Variants in ZMIZ1 observed in about 807,000 individuals in gnomAD.
ZMIZ1 encodes the protein zinc finger MIZ-type containing 1.
In ZMIZ1, 17 loss-of-function variants were observed where a neutral mutation model predicts 113.9. The observed-to-expected ratio is 0.15, with a 90% CI of 0.10 to 0.22. The LOEUF (loss-of-function observed/expected upper bound fraction) is 0.22. Ranked by LOEUF, ZMIZ1 falls within the 10% of genes least tolerant of loss-of-function variation. The pLI, the probability that ZMIZ1 is intolerant of heterozygous loss-of-function variation, is 1.00. For synonymous variants in ZMIZ1, 607 were observed against 603.1 expected (o/e 1.01, Z -0.09); for missense variants, 1,059 against 1,477.8 (o/e 0.72, Z 4.65).
chr10:79,302,610 A>G lies in ZMIZ1; in HGVS notation c.2125+398A>G, dbSNP rs78470565. On this transcript the variant is annotated intron_variant, in intron 18 of 24. Transcript: ENST00000334512. ...TAAAAGATGGGAGGATTTAGAGAAG[A>G]GGGGATCTTCATCAGGCAGAAGGCA... Among the ~76,000 whole-genome samples the G allele has an allele frequency of 2.9e-3, 418 of 145,120 alleles. 15 individuals are homozygous for G. In the East Asian group the frequency reaches 0.082, roughly 29 times the overall value.
rs1420894830 is a variant in ZMIZ1 at position 79,315,880 on chromosome 10, C to T, written c.*3131C>T. The T allele has an allele frequency of 6.6e-6, 1 of 152,642 alleles. No individual in the cohort carries two copies. The highest frequency in any genetic ancestry group is 1.5e-5 in the Non-Finnish European group (1 of 68,018). The allele number at this position is 152,642 out of a possible 1,614,324, so 9.5% of individuals were successfully genotyped here. On this transcript the variant is annotated 3_prime_UTR_variant, in exon 25 of 25. Coordinates refer to ENST00000334512, the MANE Select transcript of ZMIZ1 (RefSeq NM_020338.4). ...AAAACAAAAAAAAAAGCTTGGAACTCCATCACGTGGAAAAACTAGATCCTG... is the reference window on the plus strand; with the variant it reads ...AAAACAAAAAAAAAAGCTTGGAACTTCATCACGTGGAAAAACTAGATCCTG...
At chr10:79,151,922 G>C (rs886228052) in intron 3 of ZMIZ1, among the ~76,000 whole-genome samples, 1 of 152,212 alleles carries the variant, frequency 6.6e-6, no homozygotes, top group Non-Finnish European at 1.5e-5. Flanking sequence ...GCTGCGTGCT[G>C]TGCTGGCTCC....
intron 13 of ZMIZ1, 30 bp from the exon 14 acceptor site, chr10:79,297,583 C>CA: frequency 1.3e-6 from 2 of 1,599,692 alleles, no homozygotes; most frequent in South Asian, 2.2e-5. Context: ...TTCTGCCCCC[C>CA]ACTCAGTGTT....
chr10:79,300,113 CAGG>C (rs1462142717), intron 16 of ZMIZ1, among the ~76,000 whole-genome samples: 1 of 152,228 alleles, frequency 6.6e-6, no homozygotes, highest in Admixed American at 6.5e-5. Flanking sequence ...AACGCTCAGG[CAGG>C]AGGACAGAGG....
intron 1 of ZMIZ1, among the ~76,000 whole-genome samples, chr10:79,116,733 C>CA (rs2132315959): frequency 6.6e-6 from 1 of 152,314 alleles, no homozygotes; most frequent in East Asian, 1.9e-4. Flanking sequence ...TGTAGCTTGA[C>CA]AAATTATCCT....
chr10:79,233,478 A>G (rs557054324), intron 7 of ZMIZ1, among the ~76,000 whole-genome samples: 12 of 152,320 alleles, frequency 7.9e-5, no homozygotes, highest in African/African-American at 2.6e-4. Context: ...CCTCTTTCAT[A>G]AGGCACTGGT....
intron 16 of ZMIZ1, among the ~76,000 whole-genome samples, chr10:79,299,720 G>GT (rs1291555834): frequency 1.3e-5 from 2 of 152,226 alleles, no homozygotes; most frequent in Non-Finnish European, 2.9e-5. Flanking sequence ...CACCTTCCAC[G>GT]TGTGACCCAC....
At chr10:79,107,670 G>A (rs1012752557) in intron 1 of ZMIZ1, among the ~76,000 whole-genome samples, 2 of 152,226 alleles carry the variant, frequency 1.3e-5, no homozygotes, top group Non-Finnish European at 2.9e-5. Flanking sequence ...AGGCTCCTCC[G>A]TTGATGGACG....
intron 2 of ZMIZ1, among the ~76,000 whole-genome samples, chr10:79,130,980 C>T (rs979441593): frequency 1.8e-4 from 28 of 152,178 alleles, no homozygotes; most frequent in Admixed American, 9.8e-4. Flanking sequence ...GCTCTAGCAT[C>T]CCGCTGCACC....
chr10:79,235,026 C>T (rs900461498), intron 7 of ZMIZ1, among the ~76,000 whole-genome samples: 2 of 152,252 alleles, frequency 1.3e-5, no homozygotes, highest in African/African-American at 4.8e-5. Flanking sequence ...CCAAAGAGCA[C>T]GCAGTTCTGT....
At chr10:79,138,692 A>G (rs539090456) in intron 2 of ZMIZ1, among the ~76,000 whole-genome samples, 1 of 152,208 alleles carries the variant, frequency 6.6e-6, no homozygotes, top group Non-Finnish European at 1.5e-5. Flanking sequence ...CTTCTGCACA[A>G]CGTTTGCCAA....
intron 3 of ZMIZ1, among the ~76,000 whole-genome samples, chr10:79,161,669 T>C (rs1170362442): frequency 1.3e-5 from 2 of 152,236 alleles, no homozygotes; most frequent in East Asian, 3.8e-4. Flanking sequence ...TTCTTTGCTC[T>C]CGTCTGAGTC....
At chr10:79,189,366 T>G (rs1847500623) in intron 4 of ZMIZ1, among the ~76,000 whole-genome samples, 1 of 152,200 alleles carries the variant, frequency 6.6e-6, no homozygotes, top group Admixed American at 6.5e-5. Context: ...GGCTCCAGCT[T>G]CCTTCTGCCT....
intron 4 of ZMIZ1, among the ~76,000 whole-genome samples, chr10:79,187,373 G>A (rs1200131986): frequency 6.6e-6 from 1 of 152,206 alleles, no homozygotes; most frequent in South Asian, 2.1e-4. Context: ...GCCAAGTTCC[G>A]GTCCCAGCAA....
intron 7 of ZMIZ1, among the ~76,000 whole-genome samples, chr10:79,243,087 T>A (rs1849947863): frequency 6.6e-6 from 1 of 151,174 alleles, no homozygotes; most frequent in Non-Finnish European, 1.5e-5. Flanking sequence ...TCGCCTTTCA[T>A]CTTCCTCCCG....
chr10:79,213,736 T>C lies in ZMIZ1; in HGVS notation c.175-2433T>C, dbSNP rs150696988. The stretch of plus-strand genomic sequence containing the variant: ...CCTTTGTGGACTGAGAAAGAAGTCT[T>C]AGCACAGAAAGAGCCCAGAGTTTTC... On this transcript the variant is annotated intron_variant, in intron 6 of 24. Transcript: ENST00000334512. Among the ~76,000 whole-genome samples the C allele has an allele frequency of 6.6e-3, 1,004 of 152,296 alleles. 10 individuals are homozygous for C. The highest frequency in any genetic ancestry group is 0.023 in the African/African-American group (941 of 41,572).
intron 7 of ZMIZ1, among the ~76,000 whole-genome samples, chr10:79,260,396 T>C (rs1301562936): frequency 1.3e-5 from 2 of 151,998 alleles, no homozygotes; most frequent in African/African-American, 4.8e-5. Context: ...GTACGACAAT[T>C]CATAAACGGT....
rs956487321 is a variant in ZMIZ1 at position 79,314,900 on chromosome 10, A to G, written c.*2151A>G. The G allele has an allele frequency of 3.3e-5, 5 of 152,834 alleles. No individual in the cohort carries two copies. In the East Asian group the frequency reaches 9.4e-4, roughly 29 times the overall value. The allele number at this position is 152,834 out of a possible 1,614,324, so 9.5% of individuals were successfully genotyped here. On this transcript the variant is annotated 3_prime_UTR_variant, in exon 25 of 25. Coordinates refer to ENST00000334512, the MANE Select transcript of ZMIZ1 (RefSeq NM_020338.4). ...AAGTGGCCACGCCCTGTGTCAGACCATCTGGGAATTAAGCTCCAGACAGAC... is the reference window on the plus strand; with the variant it reads ...AAGTGGCCACGCCCTGTGTCAGACCGTCTGGGAATTAAGCTCCAGACAGAC...
chr10:79,175,630 G>GTGTGTGTGTGTGTGT (rs1429011082), intron 4 of ZMIZ1, among the ~76,000 whole-genome samples: 1 of 96,434 alleles, frequency 1.0e-5, no homozygotes, highest in African/African-American at 3.7e-5. Flanking sequence ...GTGTGTGTGT[G>GTGTGTGTGTGTGTGT]GAGGTTTTTA....
Sources: gnomAD v4.1 joint callset for allele counts (sites outside exome capture counted in the v4.1 genomes callset) on GRCh38, gnomAD v4.1.1 for gene constraint, MANE v1.5 for transcripts, NCBI Gene and HGNC (gene_info 2026-07-23, HGNC 2026-07-21) for gene names.